ABCB1: variants seen among roughly 807,000 people sequenced by gnomAD.
The protein encoded by ABCB1 is ATP binding cassette subfamily B member 1, also known as ATP-dependent translocase ABCB1.
Under a neutral mutation model 142.0 loss-of-function variants are expected in ABCB1, and 69 were observed. That is an observed-to-expected ratio of 0.49 (90% CI 0.40 to 0.59). ABCB1 has a LOEUF of 0.59. Ranked by LOEUF, ABCB1 falls within the 20% of genes least tolerant of loss-of-function variation. ABCB1 has a pLI of 0.00. For missense variants in ABCB1, 1,326 were observed against 1,554.7 expected (o/e 0.85, Z 2.47); for synonymous variants, 532 against 539.2 (o/e 0.99, Z 0.18).
At chr7:87,573,353 T>C (rs1268237161) in intron 4 of ABCB1, among the ~76,000 whole-genome samples, 5 of 152,190 alleles carry the variant, frequency 3.3e-5, no homozygotes, top group Admixed American at 6.5e-5. Flanking sequence ...ATGCTCTCCC[T>C]CTTTCCTACA....
In ABCB1 at chr7:87,532,627, C is replaced by T. The variant is rs562304994; in HGVS notation, c.2482-1130G>A. Among the ~76,000 whole-genome samples, 14 of 152,200 alleles carry T rather than the reference C, an allele frequency of 9.2e-5. No homozygotes were observed. In the South Asian group the frequency reaches 2.7e-3, roughly 29 times the overall value. ...AGGAACCCTCAGTTCTGAGAAGAGC[C>T]CACCCCTTTTCCTAGGAAACTCATG... On this transcript the variant is annotated intron_variant, in intron 20 of 27. Coordinates refer to ENST00000622132, the MANE Select transcript of ABCB1 (RefSeq NM_001348946.2).
In ABCB1 at chr7:87,543,600, A is replaced by T. The variant is rs1371876924; in HGVS notation, c.2211+529T>A. On this transcript the variant is annotated intron_variant, in intron 17 of 27. Coordinates refer to ENST00000622132, the MANE Select transcript of ABCB1 (RefSeq NM_001348946.2). ...CTTTACTGTTGAAAATGCCACCATTAAGATGAGGTGGAACTAACACATGTC... is the reference window on the plus strand; with the variant it reads ...CTTTACTGTTGAAAATGCCACCATTTAGATGAGGTGGAACTAACACATGTC... Among the ~76,000 whole-genome samples the T allele has an allele frequency of 6.6e-5, 10 of 152,306 alleles. No individual in the cohort carries two copies. In the South Asian group the frequency reaches 2.1e-3, roughly 32 times the overall value.
chr7:87,616,135 T>C (rs1043952866), intron 1 of ABCB1, among the ~76,000 whole-genome samples: 10 of 152,202 alleles, frequency 6.6e-5, no homozygotes, highest in African/African-American at 2.4e-4. Flanking sequence ...TCTAAAATTA[T>C]GTACCTGAGT....
chr7:87,531,544 C>A (rs1391891163), intron 20 of ABCB1, 47 bp from the exon 21 acceptor site: 4 of 1,554,060 alleles, frequency 2.6e-6, no homozygotes, highest in Non-Finnish European at 3.5e-6. Flanking sequence ...ATTATCTTCA[C>A]AACTCATGCT....
chr7:87,604,050 G>A (rs912813415), upstream of ABCB1, among the ~76,000 whole-genome samples: 4 of 152,006 alleles, frequency 2.6e-5, no homozygotes, highest in Non-Finnish European at 5.9e-5. Context: ...ATCCATATAC[G>A]TTTGACCTAT....
intron 1 of ABCB1, chr7:87,709,366 T>G: frequency 1.0e-6 from 1 of 985,298 alleles, no homozygotes. Flanking sequence ...CAAGAGAGAA[T>G]TTTGAGACTA....
intron 1 of ABCB1, among the ~76,000 whole-genome samples, chr7:87,687,769 T>C (rs1425740681): frequency 6.6e-6 from 1 of 152,178 alleles, no homozygotes; most frequent in East Asian, 1.9e-4. Context: ...TTATGATACC[T>C]AAGCATTGCT....
At chr7:87,616,628 T>A in intron 1 of ABCB1, among the ~76,000 whole-genome samples, 1 of 152,204 alleles carries the variant, frequency 6.6e-6, no homozygotes, top group East Asian at 1.9e-4. Flanking sequence ...CAGGTAAATA[T>A]CAGAGTTTCA....
intron 1 of ABCB1, among the ~76,000 whole-genome samples, chr7:87,676,058 CT>C (rs770234356): frequency 1.3e-5 from 2 of 151,810 alleles, no homozygotes. Context: ...AGATTCCCAT[CT>C]CTACAAAAAG....
At chr7:87,608,007 A>G (rs897863291) in intron 1 of ABCB1, among the ~76,000 whole-genome samples, 2 of 152,176 alleles carry the variant, frequency 1.3e-5, no homozygotes, top group African/African-American at 4.8e-5. Flanking sequence ...CTATATACCA[A>G]TTTCAATGAT....
intron 1 of ABCB1, among the ~76,000 whole-genome samples, chr7:87,669,133 GA>G (rs1323470237): frequency 3.9e-5 from 6 of 152,212 alleles, no homozygotes; most frequent in African/African-American, 1.4e-4. Context: ...AGGTCTCTAA[GA>G]ACTTGCTTTA....
chr7:87,697,163 A>G (rs959993285), intron 1 of ABCB1, among the ~76,000 whole-genome samples: 1 of 152,200 alleles, frequency 6.6e-6, no homozygotes, highest in Non-Finnish European at 1.5e-5. Flanking sequence ...CTTCTTGTTC[A>G]TGGACAACCT....
chr7:87,514,093 A>G (rs1387332306), intron 25 of ABCB1, among the ~76,000 whole-genome samples: 1 of 152,204 alleles, frequency 6.6e-6, no homozygotes, highest in Non-Finnish European at 1.5e-5. Flanking sequence ...ACAATAACAA[A>G]CATTTATGAG....
intron 1 of ABCB1, among the ~76,000 whole-genome samples, chr7:87,683,861 A>G (rs1390322582): frequency 6.6e-6 from 1 of 152,224 alleles, no homozygotes; most frequent in Non-Finnish European, 1.5e-5. Flanking sequence ...CAATATCTGC[A>G]AAGCACAATA....
In ABCB1 at chr7:87,703,885, C is replaced by CTTTTTTTTTTTTTTTTTTTTTTTTT; in HGVS notation, c.-331+9251_-331+9275dup. ...CTTAGGTGAGCTTTATCAGTTTTTT[C>CTTTTTTTTTTTTTTTTTTTTTTTTT]TTTTTTTTTTTTTTTTTTTTTTTTT... On this transcript the variant is annotated intron_variant, in intron 1 of 28. Coordinates refer to the ABCB1 transcript ENST00000265724. 3.3e-4 allele frequency among the ~76,000 whole-genome samples: 20 copies of CTTTTTTTTTTTTTTTTTTTTTTTTT among 60,286 alleles called. 1 individual carries two copies. Among genetic ancestry groups the CTTTTTTTTTTTTTTTTTTTTTTTTT allele is most frequent in the South Asian group, 6.3e-4 (1 of 1,590 alleles). The allele number at this position is 60,286 out of a possible 152,430, so 39.5% of individuals were successfully genotyped here.
chr7:87,550,529 A>G lies in ABCB1; in HGVS notation c.1163T>C (p.Ile388Thr). 1 of 1,613,564 alleles carries G rather than the reference A, an allele frequency of 6.2e-7. No homozygotes were observed. Among genetic ancestry groups the G allele is most frequent in the South Asian group, 1.1e-5 (1 of 91,080 alleles). The change falls in exon 11 of 28, where the codon ATT becomes ACT. Residue 388 changes from isoleucine to threonine, a missense_variant. Physicochemically the swap from Ile to Thr is moderately conservative, Grantham distance 89 (BLOSUM62 -1). Transcript: ENST00000622132. ...ATTTCTGAATTCCAAATTTCCCTTA[A>G]TATTATCTGGTTTGTGCCCACTCTT... ...YSKSGHKPDN[I>T]KGNLEFRNVH...
intron 3 of ABCB1, among the ~76,000 whole-genome samples, chr7:87,588,131 A>G (rs1818840249): frequency 6.6e-6 from 1 of 151,206 alleles, no homozygotes; most frequent in Non-Finnish European, 1.5e-5. Flanking sequence ...AAATTGAAAG[A>G]GTTCAGAACC....
rs199868523 is a variant in ABCB1, at chr7:87,504,393, A to G, written c.3693T>C (p.Ala1231=). 46 of 1,614,006 alleles carry G rather than the reference A, an allele frequency of 2.9e-5. No homozygotes were observed. The highest frequency in any genetic ancestry group is 3.8e-5 in the Non-Finnish European group (45 of 1,179,998). ...AREGRTCIVI[A]HRLSTIQNAD... is the part of the protein sequence containing the mutation. ...CATTCTGGATGGTGGACAGGCGGTG[A>G]GCAATCACAATGCAGGTGCGGCCTT... Residue 1231 remains alanine (A), a synonymous_variant, in exon 28 of 28, where the codon GCT becomes GCC. Coordinates refer to ENST00000622132, the MANE Select transcript of ABCB1 (RefSeq NM_001348946.2).
intron 4 of ABCB1, among the ~76,000 whole-genome samples, chr7:87,575,850 T>A (rs567322242): frequency 7.2e-5 from 11 of 152,262 alleles, no homozygotes; most frequent in African/African-American, 2.6e-4. Context: ...TCCAAGAGAT[T>A]TAAAAGACCA....
Sources: allele counts gnomAD v4.1 joint callset (sites outside exome capture counted in the v4.1 genomes callset), GRCh38; gene constraint gnomAD v4.1.1; transcripts MANE v1.5; gene names NCBI Gene and HGNC (gene_info 2026-07-23, HGNC 2026-07-21).